Variants in SLC16A2 observed in about 807,000 individuals in gnomAD.
SLC16A2 encodes the protein solute carrier family 16 member 2, also known as monocarboxylate transporter 8.
Under a neutral mutation model 27.2 loss-of-function variants are expected in SLC16A2, and 3 were observed. The ratio of observed to expected loss-of-function variants is 0.11; its 90% CI spans 0.05 to 0.28. SLC16A2 has a LOEUF of 0.28. Ranked by LOEUF, SLC16A2 falls within the 10% of genes least tolerant of loss-of-function variation. The pLI, the probability that SLC16A2 is intolerant of heterozygous loss-of-function variation, is 1.00. For missense variants in SLC16A2, 295 were observed against 458.5 expected (o/e 0.64, Z 3.26); for synonymous variants, 202 against 187.8 (o/e 1.08, Z -0.62).
chrX:74,472,801 G>A (rs192974102), intron 1 of SLC16A2, among the ~76,000 whole-genome samples: 6 of 109,756 alleles, frequency 5.5e-5, no homozygotes, highest in African/African-American at 2.0e-4. Flanking sequence ...ACTTTCCACA[G>A]AACAGAAGCT....
At chrX:74,527,638 C>G (rs951526549) in intron 4 of SLC16A2, among the ~76,000 whole-genome samples, 3 of 112,385 alleles carry the variant, frequency 2.7e-5, no homozygotes, top group African/African-American at 6.5e-5. Context: ...AGGCCTGTTT[C>G]TCACGTCCAA....
intron 5 of SLC16A2, among the ~76,000 whole-genome samples, chrX:74,530,857 G>A (rs1260372276): frequency 9.0e-6 from 1 of 111,582 alleles, no homozygotes; most frequent in Admixed American, 9.5e-5. Context: ...GTAACTGAAA[G>A]GAACACGTAT....
At position 74,455,283 on chromosome X, in the gene SLC16A2, G is replaced by A. The variant is rs1033554630; in HGVS notation, c.430+33216G>A. Among the ~76,000 whole-genome samples, 3 of 110,921 alleles carry A rather than the reference G, an allele frequency of 2.7e-5. No homozygotes were observed. In the Admixed American group the frequency reaches 2.9e-4, roughly 11 times the overall value. ...TATACGCTTTCATATATTTTATCTC[G>A]GGGAAAGTTAGAGCAGGGATTGTCA... On this transcript the variant is annotated intron_variant, in intron 1 of 5. Coordinates refer to ENST00000587091, the MANE Select transcript of SLC16A2 (RefSeq NM_006517.5).
chrX:74,496,251 AACACACAC>A (rs768625772), intron 1 of SLC16A2, among the ~76,000 whole-genome samples: 1 of 64,175 alleles, frequency 1.6e-5, no homozygotes, highest in Non-Finnish European at 4.5e-5. Flanking sequence ...GAAGACAGAA[AACACACAC>A]ACACACACAC....
In SLC16A2 at chrX:74,531,540, A is replaced by C; in HGVS notation, c.1607A>C (p.Glu536Ala). The C allele has an allele frequency of 8.3e-7, 1 of 1,203,406 alleles. No homozygotes were observed. Among genetic ancestry groups the C allele is most frequent in the East Asian group, 3.0e-5 (1 of 33,808 alleles). Residue 536 changes from glutamate to alanine, a missense_variant, in exon 6 of 6, where the codon GAG (glutamate) becomes GCG (alanine). Glu to Ala is a moderately radical substitution (Grantham distance 107). Coordinates refer to ENST00000587091, the MANE Select transcript of SLC16A2 (RefSeq NM_006517.5). ...GELLPGSPNP[E>A]EPI ...CTACTGCCGGGCTCCCCCAACCCTG[A>C]GGAACCAATCTAATGCCTTTCTTGC...
At chrX:74,456,093 T>G (rs1162965818) in intron 1 of SLC16A2, among the ~76,000 whole-genome samples, 1 of 111,808 alleles carries the variant, frequency 8.9e-6, no homozygotes, top group Admixed American at 9.6e-5. Context: ...ATTTCATGGA[T>G]TGTGTTCTAA....
chrX:74,533,443 T>C lies in SLC16A2; in HGVS notation c.*1890T>C, dbSNP rs1196555591. 8.9e-6 allele frequency: 1 copy of C among 112,234 alleles called. No homozygotes were observed. Among genetic ancestry groups the C allele is most frequent in the East Asian group, 2.8e-4 (1 of 3,559 alleles). 9.2% of individuals were successfully genotyped at this position (112,234 alleles called of 1,213,427 possible). A position where few individuals can be genotyped will look rare whatever the true frequency, so the allele number is the denominator to read the frequency against. On this transcript the variant is annotated 3_prime_UTR_variant, in exon 6 of 6. Transcript: ENST00000587091. Reference sequence around the variant, plus strand: ...TTCTAACAGTAGTGGAACAGGAGAATCTGGGCCCTAGGAGCCCTGTAACTC... The same window carrying C: ...TTCTAACAGTAGTGGAACAGGAGAACCTGGGCCCTAGGAGCCCTGTAACTC...
rs1388647734 is a variant in SLC16A2, at chrX:74,531,542, G to A, written c.1609G>A (p.Glu537Lys). Residue 537 changes from glutamate (E) to lysine (K), a missense_variant, in exon 6 of 6, where the codon GAA (glutamate) becomes AAA (lysine). Coordinates refer to ENST00000587091, the MANE Select transcript of SLC16A2 (RefSeq NM_006517.5). ...ELLPGSPNPE[E>K]PI ...ACTGCCGGGCTCCCCCAACCCTGAG[G>A]AACCAATCTAATGCCTTTCTTGCCA... The A allele has an allele frequency of 1.7e-6, 2 of 1,199,623 alleles. No individual in the cohort carries two copies. The highest frequency in any genetic ancestry group is 2.3e-6 in the Non-Finnish European group (2 of 886,837).
chrX:74,421,553 GAGC>G lies in SLC16A2; in HGVS notation c.-75_-73del, dbSNP rs1569280926. 1 of 1,121,656 alleles carries G rather than the reference GAGC, an allele frequency of 8.9e-7. No individual in the cohort carries two copies. Among genetic ancestry groups the G allele is most frequent in the African/African-American group, 1.8e-5 (1 of 55,875 alleles). 92.4% of individuals were successfully genotyped at this position (1,121,656 alleles called of 1,213,427 possible). On this transcript the variant is annotated 5_prime_UTR_variant, in exon 1 of 6. Coordinates refer to ENST00000587091, the MANE Select transcript of SLC16A2 (RefSeq NM_006517.5). ...GCGGCAGCGGCAGCAGCAGCCCTCC[GAGC>G]AGCAGCAGCTGCAGCAGCAGAAACA... is the stretch of plus-strand genomic sequence containing the variant.
intron 1 of SLC16A2, among the ~76,000 whole-genome samples, chrX:74,487,492 C>T (rs904034183): frequency 6.3e-5 from 7 of 111,840 alleles, no homozygotes; most frequent in Non-Finnish European, 1.3e-4. Context: ...TCAGAAATAA[C>T]CCCCTGTGCA....
chrX:74,433,012 A>G (rs1274188939), intron 1 of SLC16A2, among the ~76,000 whole-genome samples: 1 of 111,685 alleles, frequency 9.0e-6, no homozygotes, highest in Non-Finnish European at 1.9e-5. Context: ...TGTACAAGCA[A>G]TTGTGTGTGT....
chrX:74,449,185 G>A (rs910259197), intron 1 of SLC16A2, among the ~76,000 whole-genome samples: 4 of 111,994 alleles, frequency 3.6e-5, no homozygotes, highest in African/African-American at 1.3e-4. Context: ...ATTAGACCTG[G>A]GTTCTAACCT....
At chrX:74,499,743 C>A (rs750492708) in intron 1 of SLC16A2, among the ~76,000 whole-genome samples, 1 of 111,716 alleles carries the variant, frequency 9.0e-6, no homozygotes, top group African/African-American at 3.3e-5. Context: ...TGTGAGCCAC[C>A]ACGCCCCATC....
chrX:74,442,869 A>C (rs1008880013), intron 1 of SLC16A2, among the ~76,000 whole-genome samples: 7 of 111,940 alleles, frequency 6.3e-5, no homozygotes, highest in African/African-American at 2.3e-4. Flanking sequence ...AGGCAGGAGA[A>C]TCACTTGAAC....
At chrX:74,483,092 A>C (rs1279890704) in intron 1 of SLC16A2, among the ~76,000 whole-genome samples, 1 of 111,178 alleles carries the variant, frequency 9.0e-6, no homozygotes, top group Non-Finnish European at 1.9e-5. Context: ...CATCTGGCCT[A>C]GTTCAATGAA....
chrX:74,454,481 A>G (rs1239245500), intron 1 of SLC16A2, among the ~76,000 whole-genome samples: 1 of 109,045 alleles, frequency 9.2e-6, no homozygotes, highest in African/African-American at 3.4e-5. Flanking sequence ...GCAAGGACAA[A>G]AAACCAAACA....
chrX:74,498,465 A>G (rs1450961280), intron 1 of SLC16A2, among the ~76,000 whole-genome samples: 1 of 111,070 alleles, frequency 9.0e-6, no homozygotes, highest in East Asian at 2.9e-4. Flanking sequence ...CTATGATTGG[A>G]TCCCAAATCA....
intron 1 of SLC16A2, among the ~76,000 whole-genome samples, chrX:74,454,211 A>G (rs1164522158): frequency 3.6e-5 from 4 of 111,396 alleles, no homozygotes; most frequent in African/African-American, 1.3e-4. Flanking sequence ...ATTTGACCCC[A>G]CCATCCCATT....
intron 1 of SLC16A2, among the ~76,000 whole-genome samples, chrX:74,428,845 G>A (rs1371327002): frequency 8.9e-6 from 1 of 111,971 alleles, no homozygotes; most frequent in South Asian, 3.7e-4. Context: ...TTCAACAAAT[G>A]TCGTCATTAC....
Sources: allele counts gnomAD v4.1 joint callset (sites outside exome capture counted in the v4.1 genomes callset), GRCh38; gene constraint gnomAD v4.1.1; transcripts MANE v1.5; gene names NCBI Gene and HGNC (gene_info 2026-07-23, HGNC 2026-07-21).